The following RBFOX1 variants were observed in gnomAD, a reference collection of about 807,000 sequenced individuals.
RBFOX1 encodes RNA binding fox-1 homolog 1, also known as RNA binding protein fox-1 homolog 1.
RBFOX1 carries 8 observed loss-of-function variants against 57.7 expected under a neutral mutation model. The observed-to-expected ratio is 0.14, with a 90% CI of 0.08 to 0.25. The LOEUF (loss-of-function observed/expected upper bound fraction) is 0.25. Among genes scored for constraint, RBFOX1 ranks in the 10% least tolerant of loss-of-function variants. The pLI is 1.00. For synonymous variants in RBFOX1, 326 were observed against 222.4 expected, an observed-to-expected ratio of 1.47 and a Z score of -4.15; for missense variants, 611 against 548.5, an observed-to-expected ratio of 1.11 and a Z score of -1.14.
intron 2 of RBFOX1, among the ~76,000 whole-genome samples, chr16:6,578,598 C>CGTGTGCGTGTGTGTGTGTGT (rs2097482789): frequency 9.0e-6 from 1 of 110,666 alleles, no homozygotes; most frequent in African/African-American, 2.9e-5. Flanking sequence ...GGTGTGTGTG[C>CGTGTGCGTGTGTGTGTGTGT]GTGTGTGTGT....
In RBFOX1 at chr16:7,685,183, T is replaced by G. The variant is rs2075791878; in HGVS notation, c.995+8345T>G. The stretch of plus-strand genomic sequence containing the variant: ...GAAGCCCCACTTTAGAGAACAAGCT[T>G]CTGTTCTACCCCGATATGCCATAAT... On this transcript the variant is annotated intron_variant, in intron 14 of 15. Transcript: ENST00000550418. Among the ~76,000 whole-genome samples the G allele has an allele frequency of 2.0e-5, 3 of 152,210 alleles. No homozygotes were observed. The South Asian group carries it at 6.2e-4, about 32-fold the overall frequency.
intron 1 of RBFOX1, among the ~76,000 whole-genome samples, chr16:6,020,509 G>T (rs1461209794): frequency 6.6e-6 from 1 of 152,154 alleles, no homozygotes; most frequent in Non-Finnish European, 1.5e-5. Flanking sequence ...AGAAAGCGCC[G>T]CTGTGTTTAC....
intron 10 of RBFOX1, among the ~76,000 whole-genome samples, chr16:7,625,328 C>T (rs998992444): frequency 2.6e-5 from 4 of 152,100 alleles, no homozygotes; most frequent in Admixed American, 2.6e-4. Context: ...CCCAGCCCTT[C>T]GAGCAGTCTT....
chr16:5,897,045 T>C (rs1330038169), intron 4 of RBFOX1, among the ~76,000 whole-genome samples: 1 of 51,002 alleles, frequency 2.0e-5, no homozygotes, highest in Admixed American at 2.3e-4. Flanking sequence ...TTTTTTTTTT[T>C]TGGGACGGAG....
At chr16:6,429,623 G>A (rs1305836131) in intron 2 of RBFOX1, among the ~76,000 whole-genome samples, 1 of 152,192 alleles carries the variant, frequency 6.6e-6, no homozygotes, top group Non-Finnish European at 1.5e-5. Context: ...CAAGGGTGGG[G>A]CCAGGTGGAG....
At chr16:6,459,154 T>C (rs2094847103) in intron 2 of RBFOX1, among the ~76,000 whole-genome samples, 1 of 152,088 alleles carries the variant, frequency 6.6e-6, no homozygotes, top group Admixed American at 6.5e-5. Flanking sequence ...GCTAACACAG[T>C]GAAACCCCGT....
intron 1 of RBFOX1, among the ~76,000 whole-genome samples, chr16:6,311,100 G>T (rs779983736): frequency 9.2e-5 from 14 of 151,838 alleles, no homozygotes; most frequent in South Asian, 2.1e-4. Context: ...TTCAAGACCA[G>T]CCTGGCCGAC....
intron 1 of RBFOX1, among the ~76,000 whole-genome samples, chr16:6,229,187 G>T (rs1003809475): frequency 9.2e-5 from 14 of 152,066 alleles, no homozygotes; most frequent in African/African-American, 3.1e-4. Context: ...TCATTCTGTA[G>T]TCTGAAAGGT....
intron 2 of RBFOX1, among the ~76,000 whole-genome samples, chr16:6,355,489 AT>A (rs2087137854): frequency 1.3e-5 from 2 of 152,180 alleles, no homozygotes; most frequent in Admixed American, 6.5e-5. Context: ...GCTGCATAGT[AT>A]TCCATGGTGT....
intron 3 of RBFOX1, among the ~76,000 whole-genome samples, chr16:5,682,470 C>T (rs574719984): frequency 6.6e-6 from 1 of 152,084 alleles, no homozygotes; most frequent in African/African-American, 2.4e-5. Context: ...ACAATCGGTC[C>T]GTCTAGGTTT....
chr16:6,015,532 T>C (rs1346926258), upstream of RBFOX1, among the ~76,000 whole-genome samples: 1 of 152,198 alleles, frequency 6.6e-6, no homozygotes, highest in African/African-American at 2.4e-5. Context: ...CCCTAGCCCA[T>C]ATCTTTAGTT....
At chr16:7,402,761 A>C (rs1270278844) in intron 4 of RBFOX1, among the ~76,000 whole-genome samples, 2 of 152,196 alleles carry the variant, frequency 1.3e-5, no homozygotes, top group African/African-American at 4.8e-5. Flanking sequence ...CCCCCTCCTT[A>C]ATCCCATTTG....
intron 2 of RBFOX1, among the ~76,000 whole-genome samples, chr16:6,389,310 A>T (rs959563064): frequency 1.3e-5 from 2 of 152,164 alleles, no homozygotes; most frequent in Non-Finnish European, 2.9e-5. Flanking sequence ...GAGATGGTGC[A>T]GGCATTGTCA....
At chr16:6,629,106 G>A (rs573815772) in intron 2 of RBFOX1, among the ~76,000 whole-genome samples, 1 of 152,340 alleles carries the variant, frequency 6.6e-6, no homozygotes, top group African/African-American at 2.4e-5. Flanking sequence ...ACATACTTTT[G>A]TGTGTGTATA....
chr16:6,324,405 C>G (rs1274358095), intron 2 of RBFOX1, among the ~76,000 whole-genome samples: 3 of 152,134 alleles, frequency 2.0e-5, no homozygotes, highest in Non-Finnish European at 2.9e-5. Flanking sequence ...GAGCCACAGG[C>G]TGTACAGGAA....
intron 1 of RBFOX1, among the ~76,000 whole-genome samples, chr16:6,102,448 C>A (rs1341042947): frequency 6.6e-6 from 1 of 152,160 alleles, no homozygotes; most frequent in African/African-American, 2.4e-5. Flanking sequence ...TTTGCAACAA[C>A]ATCAATCATT....
chr16:6,283,676 G>A (rs562748364), intron 1 of RBFOX1, among the ~76,000 whole-genome samples: 6 of 152,102 alleles, frequency 3.9e-5, no homozygotes, highest in African/African-American at 1.2e-4. Flanking sequence ...GTATAGTGAC[G>A]GAGTTTCACG....
intron 2 of RBFOX1, among the ~76,000 whole-genome samples, chr16:6,504,566 C>G (rs986530780): frequency 1.3e-5 from 2 of 152,274 alleles, no homozygotes; most frequent in South Asian, 4.1e-4. Flanking sequence ...GTTTGCCTAT[C>G]TACATTCCAA....
At chr16:6,189,371 G>GT (rs2097127804) in intron 1 of RBFOX1, among the ~76,000 whole-genome samples, 1 of 152,210 alleles carries the variant, frequency 6.6e-6, no homozygotes, top group Non-Finnish European at 1.5e-5. Context: ...GTTCACAGGT[G>GT]TCTCTTTTTG....
Sources: allele counts gnomAD v4.1 joint callset (sites outside exome capture counted in the v4.1 genomes callset), GRCh38; gene constraint gnomAD v4.1.1; transcripts MANE v1.5; gene names NCBI Gene and HGNC (gene_info 2026-07-23, HGNC 2026-07-21).